PLEK: variants seen among roughly 807,000 people sequenced by gnomAD.
The protein encoded by PLEK is platelet 47 kDa protein.
Under a neutral mutation model 43.9 loss-of-function variants are expected in PLEK, and 25 were observed. The observed-to-expected ratio is 0.57, with a 90% CI of 0.41 to 0.79. The LOEUF (loss-of-function observed/expected upper bound fraction) is 0.79. Among genes scored for constraint, PLEK ranks in the 30% least tolerant of loss-of-function variants. The pLI is 0.00. For missense variants in PLEK, 396 were observed against 413.3 expected (o/e 0.96, Z 0.36); for synonymous variants, 152 against 144.4 (o/e 1.05, Z -0.38).
intron 4 of PLEK, among the ~76,000 whole-genome samples, chr2:68,384,044 G>A (rs931187337): frequency 1.3e-5 from 2 of 152,102 alleles, no homozygotes; most frequent in Admixed American, 1.3e-4. Context: ...TTGGGCAAAG[G>A]GAACAGGAGG....
At chr2:68,367,002 G>A (rs909652885) in intron 1 of PLEK, among the ~76,000 whole-genome samples, 5 of 152,138 alleles carry the variant, frequency 3.3e-5, no homozygotes, top group African/African-American at 7.2e-5. Flanking sequence ...AAAAATTGGG[G>A]ATGATAGAGT....
intron 1 of PLEK, among the ~76,000 whole-genome samples, chr2:68,371,841 C>CA (rs1365188131): frequency 4.6e-5 from 7 of 151,726 alleles, no homozygotes; most frequent in African/African-American, 1.7e-4. Flanking sequence ...TCATAGAGCT[C>CA]CTTTTTTCCC....
Position 68,395,761 on chromosome 2 carries a change from A to G in PLEK, c.998A>G (p.Lys333Arg), listed in dbSNP as rs766380322. Reference sequence around the variant, plus strand: ...TATTTCTTGCAAGCAGCCACCCCCAAGGAGCGCACAGAGTGGATCAGAGCC... The same window carrying G: ...TATTTCTTGCAAGCAGCCACCCCCAGGGAGCGCACAGAGTGGATCAGAGCC... ...VHYFLQAATPKERTEWIRAIQ... is the reference protein window; with the variant it reads ...VHYFLQAATPRERTEWIRAIQ... Residue 333 changes from lysine (K) to arginine (R), a missense_variant, in exon 9 of 9, where the codon AAG becomes AGG. By Grantham distance (26) the Lys-to-Arg change is conservative. Coordinates refer to ENST00000234313, the MANE Select transcript of PLEK (RefSeq NM_002664.3). The G allele has an allele frequency of 1.9e-6, 3 of 1,613,900 alleles. No homozygotes were observed. Among genetic ancestry groups the G allele is most frequent in the Admixed American group, 3.3e-5 (2 of 60,002 alleles).
rs1234098623 is a variant in PLEK, at chr2:68,393,280, A to C, written c.846+35A>C. 3.8e-6 allele frequency: 5 copies of C among 1,307,470 alleles called. No homozygotes were observed. In the African/African-American group the frequency reaches 5.8e-5, roughly 15 times the overall value. The allele number at this position is 1,307,470 out of a possible 1,614,324, so 81.0% of individuals were successfully genotyped here. A position where few individuals can be genotyped will look rare whatever the true frequency, so the allele number is the denominator to read the frequency against. On this transcript the variant is annotated intron_variant, in intron 7 of 8. Transcript: ENST00000234313. ...TGTGGTTCATAAATCCATTCAAATA[A>C]ATAAATCCACTGCATTTATAATCTG...
chr2:68,394,171 C>A lies in PLEK; in HGVS notation c.911C>A (p.Ser304Ter). Residue 304 changes from serine to a stop codon, truncating the protein, a stop_gained, in exon 8 of 9, where the codon TCA (serine) becomes TAA (stop). Transcript: ENST00000234313. LOFTEE classifies it high-confidence loss of function. ...GTGGTGACTTCAGTGGAGAGCAACT[C>A]AAATGGTAAGATGAATTTCTGTGTG... is the stretch of plus-strand genomic sequence containing the variant. ...GCVVTSVESN[S>*]NGRKSEEENL... is the part of the protein sequence containing the mutation. 1 of 1,593,558 alleles carries A rather than the reference C, an allele frequency of 6.3e-7. No individual in the cohort carries two copies. The highest frequency in any genetic ancestry group is 1.1e-5 in the South Asian group (1 of 90,696).
chr2:68,388,506 C>G lies in PLEK; in HGVS notation c.762+15C>G, dbSNP rs1457782014. ...TACTGAAGCAGGTGAGTGGCCACAA[C>G]TGCTCCCATCTAGCCTTTTCCCTTT... On this transcript the variant is annotated intron_variant, in intron 6 of 8. Transcript: ENST00000234313. 5.4e-6 allele frequency: 7 copies of G among 1,289,304 alleles called. No homozygotes were observed. The highest frequency in any genetic ancestry group is 7.9e-6 in the Non-Finnish European group (7 of 883,856). The allele number at this position is 1,289,304 out of a possible 1,614,324, so 79.9% of individuals were successfully genotyped here.
At chr2:68,390,874 A>G (rs1000399596) in intron 6 of PLEK, among the ~76,000 whole-genome samples, 4 of 152,236 alleles carry the variant, frequency 2.6e-5, no homozygotes, top group African/African-American at 9.6e-5. Flanking sequence ...ATCTTAGATT[A>G]TATTCAGTAT....
intron 1 of PLEK, among the ~76,000 whole-genome samples, chr2:68,367,342 G>A (rs557914557): frequency 4.6e-5 from 7 of 151,884 alleles, no homozygotes; most frequent in South Asian, 4.2e-4. Flanking sequence ...TGTGACAGGC[G>A]TTTGTTGTAC....
intron 1 of PLEK, among the ~76,000 whole-genome samples, chr2:68,377,282 AC>A (rs1380980309): frequency 1.3e-5 from 2 of 152,054 alleles, no homozygotes; most frequent in South Asian, 4.2e-4. Flanking sequence ...TACAGTATAT[AC>A]CCCCCAGTGA....
At chr2:68,374,788 A>G (rs1176777285) in intron 1 of PLEK, among the ~76,000 whole-genome samples, 1 of 152,174 alleles carries the variant, frequency 6.6e-6, no homozygotes, top group Non-Finnish European at 1.5e-5. Flanking sequence ...TTTGCTTTTC[A>G]CTCAACATCT....
At chr2:68,389,230 A>AAGACATG (rs1445053284) in intron 6 of PLEK, among the ~76,000 whole-genome samples, 1 of 152,244 alleles carries the variant, frequency 6.6e-6, no homozygotes, top group Non-Finnish European at 1.5e-5. Context: ...AAGTCGCAGG[A>AAGACATG]AGACATGAGA....
At chr2:68,379,245 G>C (rs1039863258) in intron 1 of PLEK, among the ~76,000 whole-genome samples, 1 of 152,230 alleles carries the variant, frequency 6.6e-6, no homozygotes, top group African/African-American at 2.4e-5. Context: ...GAGCTTGTAA[G>C]TGAAGGCAGA....
Position 68,395,794 on chromosome 2 carries a change from T to C in PLEK, c.1031T>C (p.Met344Thr). The change falls in exon 9 of 9, where the codon ATG (methionine) becomes ACG (threonine). Residue 344 changes from methionine (M) to threonine (T), a missense_variant. Coordinates refer to ENST00000234313, the MANE Select transcript of PLEK (RefSeq NM_002664.3). ...ERTEWIRAIQ[M>T]ASRTGK The stretch of plus-strand genomic sequence containing the variant: ...ACAGAGTGGATCAGAGCCATCCAGA[T>C]GGCCTCCCGAACTGGGAAGTAAAGA... 6.2e-7 allele frequency: 1 copy of C among 1,613,774 alleles called. No individual in the cohort carries two copies. The highest frequency in any genetic ancestry group is 8.5e-7 in the Non-Finnish European group (1 of 1,179,678).
chr2:68,377,897 T>C (rs1188748387), intron 1 of PLEK, among the ~76,000 whole-genome samples: 2 of 152,204 alleles, frequency 1.3e-5, no homozygotes, highest in East Asian at 1.9e-4. Context: ...AGTCATAATG[T>C]GATTTTAATT....
At chr2:68,391,885 G>C (rs1237563295) in intron 6 of PLEK, among the ~76,000 whole-genome samples, 1 of 152,110 alleles carries the variant, frequency 6.6e-6, no homozygotes, top group Admixed American at 6.6e-5. Flanking sequence ...GGAAATCATA[G>C]AGTCAGGTTT....
At chr2:68,377,794 A>AT (rs1673533845) in intron 1 of PLEK, among the ~76,000 whole-genome samples, 1 of 151,878 alleles carries the variant, frequency 6.6e-6, no homozygotes, top group Non-Finnish European at 1.5e-5. Context: ...ACATTTGCTT[A>AT]TTTTTGCTTT....
At chr2:68,385,380 G>A (rs772194541) in intron 4 of PLEK, among the ~76,000 whole-genome samples, 1 of 152,112 alleles carries the variant, frequency 6.6e-6, no homozygotes, top group Non-Finnish European at 1.5e-5. Flanking sequence ...TTGCTTAAAT[G>A]ACTTCTCAAG....
In PLEK at chr2:68,380,900, T is replaced by C; in HGVS notation, c.376T>C (p.Leu126=). The part of the protein sequence containing the change: ...RSIRLPETID[L]GALYLSMKDT... ...CATTCGACTGCCAGAAACCATTGAC[T>C]TAGGGTGATTTTCTGTGTTTACTTC... Residue 126 remains leucine (L), a synonymous_variant, in exon 3 of 9, where the codon TTA becomes CTA. Coordinates refer to ENST00000234313, the MANE Select transcript of PLEK (RefSeq NM_002664.3). 6 of 1,612,112 alleles carry C rather than the reference T, an allele frequency of 3.7e-6. No homozygotes were observed. Among genetic ancestry groups the C allele is most frequent in the Non-Finnish European group, 5.1e-6 (6 of 1,178,836 alleles).
chr2:68,380,239 G>A, intron 1 of PLEK, 89 bp from the exon 2 acceptor site: 1 of 1,086,390 alleles, frequency 9.2e-7, no homozygotes, highest in Non-Finnish European at 1.3e-6. Flanking sequence ...AAAACCAACT[G>A]TAAGTAAATA....
Sources: gnomAD v4.1 joint callset for allele counts (sites outside exome capture counted in the v4.1 genomes callset) on GRCh38, gnomAD v4.1.1 for gene constraint, MANE v1.5 for transcripts, NCBI Gene and HGNC (gene_info 2026-07-23, HGNC 2026-07-21) for gene names.